The following ARHGEF10 variants were observed in gnomAD, a reference collection of about 807,000 sequenced individuals.
ARHGEF10 encodes Rho guanine nucleotide exchange factor 10.
ARHGEF10 carries 140 observed loss-of-function variants against 147.4 expected under a neutral mutation model. The observed-to-expected ratio is 0.95, with a 90% confidence interval of 0.83 to 1.09. The LOEUF (loss-of-function observed/expected upper bound fraction) is 1.09, where lower values mean the gene tolerates loss of function less well. ARHGEF10 is among the 50% of genes least tolerant of loss of function. The pLI is 0.00. For missense variants in ARHGEF10, 2,222 were observed against 1,752.7 expected, an observed-to-expected ratio of 1.27 and a Z score of -4.78; for synonymous variants, 902 against 695.8, an observed-to-expected ratio of 1.30 and a Z score of -4.67.
At chr8:1,938,580 A>G (rs1355757577) in intron 26 of ARHGEF10, among the ~76,000 whole-genome samples, 1 of 152,194 alleles carries the variant, frequency 6.6e-6, no homozygotes, top group Non-Finnish European at 1.5e-5. Flanking sequence ...TGCTGCAGCA[A>G]TGCGTTTTTT....
chr8:1,888,881 A>G lies in ARHGEF10; in HGVS notation c.1182+3174A>G, dbSNP rs797019253. Among the ~76,000 whole-genome samples the G allele has an allele frequency of 1.0e-3, 58 of 57,474 alleles. 2 individuals are homozygous for G. Among genetic ancestry groups the G allele is most frequent in the Middle Eastern group, 0.014 (1 of 72 alleles). The allele number at this position is 57,474 out of a possible 152,430, so 37.7% of individuals were successfully genotyped here. A position where few individuals can be genotyped will look rare whatever the true frequency, so the allele number is the denominator to read the frequency against. ...GGAGACACTGAGTGGGGTGAGAGTT[A>G]TGAGGAGACACTGAGTTGGGTGAGG... On this transcript the variant is annotated intron_variant, in intron 11 of 28. Coordinates refer to ENST00000349830, the MANE Select transcript of ARHGEF10 (RefSeq NM_014629.4).
At position 1,923,036 on chromosome 8, in the gene ARHGEF10, G is replaced by T. The variant is rs1267362670; in HGVS notation, c.2216G>T (p.Gly739Val). The change falls in exon 19 of 29, where the codon GGC becomes GTC. Residue 739 changes from glycine to valine, a missense_variant. Coordinates refer to ENST00000349830, the MANE Select transcript of ARHGEF10 (RefSeq NM_014629.4). ...TTGTTGCATGACTTAAATGTAATTG[G>T]CCAAATCACTCAGCTGATAGGAAAC... is the stretch of plus-strand genomic sequence containing the variant. Reference protein sequence around the residue: ...QNLLHDLNVIGQITQLIGNLK... With the variant: ...QNLLHDLNVIVQITQLIGNLK... 6.2e-7 allele frequency: 1 copy of T among 1,613,356 alleles called. No individual in the cohort carries two copies. Among genetic ancestry groups the T allele is most frequent in the East Asian group, 2.2e-5 (1 of 44,822 alleles).
At chr8:1,919,458 ATGG>A (rs1304195840) in intron 18 of ARHGEF10, among the ~76,000 whole-genome samples, 2 of 106,706 alleles carry the variant, frequency 1.9e-5, no homozygotes, top group Non-Finnish European at 3.6e-5. Context: ...GAGCTGTTCC[ATGG>A]GTGATGGAGC....
At chr8:1,866,350 C>T (rs1407169717) in intron 5 of ARHGEF10, among the ~76,000 whole-genome samples, 176 bp from the exon 6 acceptor site, 2 of 152,120 alleles carry the variant, frequency 1.3e-5, no homozygotes, top group Non-Finnish European at 2.9e-5. Flanking sequence ...AAAGCTTGAA[C>T]TTGGGATGTC....
chr8:1,940,203 C>T (rs773677926), intron 26 of ARHGEF10, among the ~76,000 whole-genome samples: 22 of 152,308 alleles, frequency 1.4e-4, no homozygotes, highest in South Asian at 4.1e-4. Context: ...TCATACGCCA[C>T]GGTTGTTTGT....
At chr8:1,952,922 T>C (rs1815174599) in intron 28 of ARHGEF10, 95 bp downstream of exon 28, 1 of 1,534,594 alleles carries the variant, frequency 6.5e-7, no homozygotes, top group Admixed American at 1.7e-5. Flanking sequence ...TAGGATTCTT[T>C]AAACAATTCA....
chr8:1,894,477 A>G lies in ARHGEF10; in HGVS notation c.1345A>G (p.Ile449Val). ...GACGGTGTTCTACCGAGTCAAAGAG[A>G]TCCTGCAGTGCCACTCGCTATTTCA... ...LKTVFYRVKE[I>V]LQCHSLFQIA... Residue 449 changes from isoleucine (I) to valine (V), a missense_variant, in exon 13 of 29, where the codon ATC becomes GTC. Transcript: ENST00000349830. 11 of 1,614,186 alleles carry G rather than the reference A, an allele frequency of 6.8e-6. No individual in the cohort carries two copies. The highest frequency in any genetic ancestry group is 9.3e-6 in the Non-Finnish European group (11 of 1,180,034).
chr8:1,851,868 C>T (rs1016179758), intron 2 of ARHGEF10, among the ~76,000 whole-genome samples: 4 of 151,454 alleles, frequency 2.6e-5, no homozygotes, highest in East Asian at 1.9e-4. Context: ...AAGCTGCGAT[C>T]GCAATACTGC....
chr8:1,929,826 G>C (rs1198743586), intron 25 of ARHGEF10, among the ~76,000 whole-genome samples: 1 of 152,164 alleles, frequency 6.6e-6, no homozygotes, highest in Admixed American at 6.5e-5. Context: ...TTGCCCCGGT[G>C]CTGTGCCCTC....
At chr8:1,901,840 A>G (rs1325286504) in intron 15 of ARHGEF10, among the ~76,000 whole-genome samples, 1 of 152,250 alleles carries the variant, frequency 6.6e-6, no homozygotes, top group African/African-American at 2.4e-5. Flanking sequence ...GTTTATATTC[A>G]TTACAAACTG....
chr8:1,925,010 G>T (rs892428589), intron 21 of ARHGEF10, among the ~76,000 whole-genome samples: 5 of 152,200 alleles, frequency 3.3e-5, no homozygotes, highest in African/African-American at 1.2e-4. Context: ...GCGACGTTTG[G>T]CAGCCTTTGG....
At position 1,909,457 on chromosome 8, in the gene ARHGEF10, T is replaced by C. The variant is rs762284381; in HGVS notation, c.2130T>C (p.Ala710=). ...VHPPESLAVV[A]NAKPNKVYMG... The stretch of plus-strand genomic sequence containing the variant: ...CGCCGGAGAGCCTGGCCGTGGTTGC[T>C]AACGCGAAACCAAGTAAGTGATGCT... The change falls in exon 18 of 29, where the codon GCT becomes GCC. Residue 710 remains alanine (A), a synonymous_variant. Coordinates refer to ENST00000349830, the MANE Select transcript of ARHGEF10 (RefSeq NM_014629.4). 5.0e-6 allele frequency: 8 copies of C among 1,614,040 alleles called. No homozygotes were observed. In the South Asian group the frequency reaches 7.7e-5, roughly 16 times the overall value.
chr8:1,876,521 C>G (rs545385715), intron 7 of ARHGEF10, 50 bp from the exon 8 acceptor site: 3 of 1,570,796 alleles, frequency 1.9e-6, no homozygotes, highest in East Asian at 2.2e-5. Context: ...ACAAAACAGC[C>G]CACATGGAAT....
upstream of ARHGEF10, among the ~76,000 whole-genome samples, chr8:1,823,476 C>A (rs112279097): frequency 5.9e-4 from 90 of 152,186 alleles, no homozygotes; most frequent in African/African-American, 2.0e-3. Context: ...GCCCGACGCC[C>A]CCTCCCTCAG....
chr8:1,937,496 C>T lies in ARHGEF10; in HGVS notation c.3222+3554C>T, dbSNP rs1040619691. Among the ~76,000 whole-genome samples, 2 of 152,178 alleles carry T rather than the reference C, an allele frequency of 1.3e-5. No homozygotes were observed. The highest frequency in any genetic ancestry group is 2.9e-5 in the Non-Finnish European group (2 of 68,034). On this transcript the variant is annotated intron_variant, in intron 26 of 28. Transcript: ENST00000349830. The surrounding 1 kb of genome is among the most constrained non-coding windows in gnomAD (Gnocchi z 4.9). The stretch of plus-strand genomic sequence containing the variant: ...CTTGTAATTTATATGCTGTAAATCT[C>T]GAAGACTCAGAGAGAAGCAATGTGT...
In ARHGEF10 at chr8:1,888,774, C is replaced by T. The variant is rs1320940008; in HGVS notation, c.1182+3067C>T. ...GAATAGGGTGAGGTTTGTGAGGAGACACTGAGTGGGGTGAGTATTGTGAGG... is the reference window on the plus strand; with the variant it reads ...GAATAGGGTGAGGTTTGTGAGGAGATACTGAGTGGGGTGAGTATTGTGAGG... On this transcript the variant is annotated intron_variant, in intron 11 of 28. Transcript: ENST00000349830. Among the ~76,000 whole-genome samples the T allele has an allele frequency of 1.5e-4, 10 of 68,800 alleles. 4 individuals are homozygous for T. The highest frequency in any genetic ancestry group is 6.4e-4 in the African/African-American group (10 of 15,608). 45.1% of individuals were successfully genotyped at this position (68,800 alleles called of 152,430 possible). A position where few individuals can be genotyped will look rare whatever the true frequency, so the allele number is the denominator to read the frequency against.
chr8:1,939,389 A>G (rs1383966156), intron 26 of ARHGEF10, among the ~76,000 whole-genome samples: 1 of 152,360 alleles, frequency 6.6e-6, no homozygotes, highest in South Asian at 2.1e-4. Context: ...GACATTGATG[A>G]CACAGGCCCG....
intron 7 of ARHGEF10, among the ~76,000 whole-genome samples, chr8:1,873,475 AGGCGCCCGCGG>A (rs1807321171): frequency 6.9e-6 from 1 of 144,092 alleles, no homozygotes; most frequent in African/African-American, 2.6e-5. Context: ...TTGCGTTGAG[AGGCGCCCGCGG>A]GGTAGTGCAC....
At chr8:1,935,501 C>A (rs920854394) in intron 26 of ARHGEF10, among the ~76,000 whole-genome samples, 6 of 152,212 alleles carry the variant, frequency 3.9e-5, no homozygotes, top group Non-Finnish European at 5.9e-5. Context: ...GGTGCCATTT[C>A]TTCAGATTGA....
Sources: gnomAD v4.1 joint callset for allele counts (sites outside exome capture counted in the v4.1 genomes callset) on GRCh38, gnomAD v4.1.1 for gene constraint, Gnocchi (gnomAD v3.1) non-coding constraint, MANE v1.5 for transcripts, NCBI Gene and HGNC (gene_info 2026-07-23, HGNC 2026-07-21) for gene names.